Variants in DPP6 observed in about 807,000 individuals in gnomAD.
The protein encoded by DPP6 is A-type potassium channel modulatory protein DPP6.
Under a neutral mutation model 122.6 loss-of-function variants are expected in DPP6, and 69 were observed. That is an observed-to-expected ratio of 0.56 (90% CI 0.46 to 0.69). The LOEUF is 0.69. Ranked by LOEUF, DPP6 falls within the 30% of genes least tolerant of loss-of-function variation. DPP6 has a pLI of 0.00. For missense variants in DPP6, 928 were observed against 1,116.9 expected (o/e 0.83, Z 2.41); for synonymous variants, 418 against 433.1 (o/e 0.97, Z 0.43).
chr7:153,992,657 T>A (rs1797234456), intron 1 of DPP6, among the ~76,000 whole-genome samples: 1 of 152,254 alleles, frequency 6.6e-6, no homozygotes, highest in Non-Finnish European at 1.5e-5. Context: ...GGCTATCAGA[T>A]GTTCATTGTC....
chr7:154,714,097 C>T (rs1841347088), intron 7 of DPP6, among the ~76,000 whole-genome samples: 1 of 152,190 alleles, frequency 6.6e-6, no homozygotes, highest in Admixed American at 6.5e-5. Context: ...CCAACAAGTT[C>T]CTTATCTTCA....
intron 1 of DPP6, among the ~76,000 whole-genome samples, chr7:153,904,821 A>T (rs572580747): frequency 1.3e-5 from 2 of 152,368 alleles, no homozygotes; most frequent in African/African-American, 4.8e-5. Context: ...TTGCCTTCTG[A>T]AGGTTCACTG....
chr7:153,849,578 A>G, the DPP6 span, among the ~76,000 whole-genome samples: 778 of 152,268 alleles, frequency 5.1e-3, 4 homozygotes, highest in Admixed American at 0.011. Context: ...TGCCATAAAA[A>G]CTAAGTTATT....
At chr7:154,765,818 C>G (rs1795860723) in intron 8 of DPP6, among the ~76,000 whole-genome samples, 1 of 152,160 alleles carries the variant, frequency 6.6e-6, no homozygotes. Context: ...CTCAGAAAGC[C>G]AAGTGATTCA....
chr7:154,605,322 T>C (rs995626670), intron 5 of DPP6, among the ~76,000 whole-genome samples: 2 of 119,422 alleles, frequency 1.7e-5, no homozygotes, highest in African/African-American at 5.3e-5. Flanking sequence ...TGTACATTTT[T>C]AGTCAGTTTT....
At chr7:154,175,158 A>G (rs1027421395) in intron 1 of DPP6, among the ~76,000 whole-genome samples, 8 of 152,058 alleles carry the variant, frequency 5.3e-5, no homozygotes, top group African/African-American at 1.9e-4. Context: ...CCATCACATA[A>G]AAGACGTTGT....
intron 1 of DPP6, among the ~76,000 whole-genome samples, chr7:154,168,301 G>C (rs959769944): frequency 6.6e-6 from 1 of 152,178 alleles, no homozygotes; most frequent in African/African-American, 2.4e-5. Context: ...TAAATGAGCT[G>C]TTTCATCCAA....
chr7:154,395,292 G>T (rs188232095), intron 1 of DPP6, among the ~76,000 whole-genome samples: 73 of 152,262 alleles, frequency 4.8e-4, no homozygotes, highest in African/African-American at 1.7e-3. Context: ...TGGAGGTTAG[G>T]TTTCAACATA....
intron 1 of DPP6, among the ~76,000 whole-genome samples, chr7:154,283,719 A>G (rs991237884): frequency 6.6e-6 from 1 of 152,196 alleles, no homozygotes; most frequent in Non-Finnish European, 1.5e-5. Flanking sequence ...TGAAGCTTGG[A>G]TGGGCAAGTA....
intron 5 of DPP6, among the ~76,000 whole-genome samples, chr7:154,592,322 T>C (rs1293861027): frequency 6.6e-6 from 1 of 152,202 alleles, no homozygotes; most frequent in Non-Finnish European, 1.5e-5. Flanking sequence ...TTAAAACATA[T>C]TACCAAACTA....
At chr7:154,004,922 T>C (rs545388680) in intron 1 of DPP6, among the ~76,000 whole-genome samples, 2 of 152,358 alleles carry the variant, frequency 1.3e-5, no homozygotes, top group African/African-American at 4.8e-5. Context: ...ATTTGTCGCC[T>C]ATAATAGTTG....
chr7:154,742,903 CCCT>C (rs1443166579), intron 8 of DPP6, among the ~76,000 whole-genome samples: 2 of 152,176 alleles, frequency 1.3e-5, no homozygotes, highest in Non-Finnish European at 2.9e-5. Context: ...AAGAGCCAGT[CCCT>C]CCTCCCCCAA....
chr7:154,776,006 A>T (rs1308703776), intron 10 of DPP6, among the ~76,000 whole-genome samples: 1 of 130,776 alleles, frequency 7.6e-6, no homozygotes, highest in African/African-American at 3.0e-5. Flanking sequence ...GCCGTTCCCC[A>T]CTCCTCCCTG....
chr7:154,250,132 C>T (rs1268995188), intron 1 of DPP6, among the ~76,000 whole-genome samples: 2 of 152,138 alleles, frequency 1.3e-5, no homozygotes, highest in Admixed American at 6.5e-5. Context: ...GATCACGACC[C>T]TCTCAAGCGG....
intron 1 of DPP6, among the ~76,000 whole-genome samples, chr7:154,129,773 A>G (rs1233670319): frequency 6.6e-6 from 1 of 151,910 alleles, no homozygotes; most frequent in Non-Finnish European, 1.5e-5. Context: ...GGTGGTGGGC[A>G]CCTGTAGTCC....
intron 8 of DPP6, among the ~76,000 whole-genome samples, chr7:154,753,297 G>A (rs1843490830): frequency 6.6e-6 from 1 of 152,028 alleles, no homozygotes. Context: ...GGTGCCCGGT[G>A]ACCCTTCCGA....
chr7:153,777,004 T>A, the DPP6 span, among the ~76,000 whole-genome samples: 1 of 152,216 alleles, frequency 6.6e-6, no homozygotes, highest in Non-Finnish European at 1.5e-5. Flanking sequence ...AGGACTTGTA[T>A]CTAGACATGT....
chr7:154,804,397 G>A (rs1049330180), intron 14 of DPP6, among the ~76,000 whole-genome samples: 2 of 152,324 alleles, frequency 1.3e-5, no homozygotes, highest in East Asian at 1.9e-4. Flanking sequence ...AGTTGGTAGC[G>A]GGTAGATTTG....
intron 1 of DPP6, among the ~76,000 whole-genome samples, chr7:154,332,696 T>C (rs1809057444): frequency 1.3e-5 from 2 of 152,196 alleles, no homozygotes; most frequent in South Asian, 4.1e-4. Context: ...TGGATCTAGG[T>C]TTATAAAGTG....
Sources: allele counts gnomAD v4.1 joint callset (sites outside exome capture counted in the v4.1 genomes callset), GRCh38; gene constraint gnomAD v4.1.1; transcripts MANE v1.5; gene names NCBI Gene and HGNC (gene_info 2026-07-23, HGNC 2026-07-21).